Variants in PRKG1 observed in about 807,000 individuals in gnomAD.
PRKG1 encodes the protein cGMP-dependent protein kinase 1.
In PRKG1, 35 loss-of-function variants were observed where a neutral mutation model predicts 88.1. The observed-to-expected ratio is 0.40, with a 90% CI of 0.30 to 0.53. The LOEUF (loss-of-function observed/expected upper bound fraction) is 0.53. Among genes scored for constraint, PRKG1 ranks in the 20% least tolerant of loss-of-function variants. The pLI is 0.59. For missense variants in PRKG1, 540 were observed against 839.8 expected (o/e 0.64, Z 4.41); for synonymous variants, 303 against 292.5 (o/e 1.04, Z -0.37).
chr10:51,750,415 C>T (rs1837693188), intron 3 of PRKG1, among the ~76,000 whole-genome samples: 1 of 152,112 alleles, frequency 6.6e-6, no homozygotes, highest in Non-Finnish European at 1.5e-5. Flanking sequence ...ACAATTTTGC[C>T]TTTACGGACA....
intron 5 of PRKG1, among the ~76,000 whole-genome samples, chr10:51,986,376 C>A (rs1033035906): frequency 7.2e-5 from 11 of 152,138 alleles, no homozygotes; most frequent in African/African-American, 2.7e-4. Context: ...AACATAGTCA[C>A]ATAGAACACA....
intron 4 of PRKG1, among the ~76,000 whole-genome samples, chr10:51,871,026 G>T (rs1641168968): frequency 6.6e-6 from 1 of 152,126 alleles, no homozygotes; most frequent in African/African-American, 2.4e-5. Context: ...TGTCTTCTCT[G>T]AAGGTAATTG....
chr10:51,166,003 A>G (rs1294414783), intron 2 of PRKG1, among the ~76,000 whole-genome samples: 3 of 150,102 alleles, frequency 2.0e-5, no homozygotes, highest in Admixed American at 2.0e-4. Context: ...TTTCATTTTT[A>G]TGGCTGGAAG....
At chr10:51,495,456 C>T (rs1477332602) in intron 3 of PRKG1, among the ~76,000 whole-genome samples, 1 of 152,092 alleles carries the variant, frequency 6.6e-6, no homozygotes, top group Non-Finnish European at 1.5e-5. Context: ...TTTCCTATAG[C>T]CTCATTTCAG....
intron 2 of PRKG1, among the ~76,000 whole-genome samples, chr10:51,420,573 T>C (rs977781412): frequency 6.6e-6 from 1 of 152,104 alleles, no homozygotes; most frequent in Non-Finnish European, 1.5e-5. Flanking sequence ...AGAACCACAG[T>C]AGCTATAGGT....
chr10:52,075,552 AATAG>A (rs1846607645), intron 7 of PRKG1, among the ~76,000 whole-genome samples: 1 of 152,228 alleles, frequency 6.6e-6, no homozygotes, highest in Non-Finnish European at 1.5e-5. Context: ...AAGTTAGACA[AATAG>A]ATTGATGTAG....
At chr10:51,932,126 T>C (rs1306185964) in intron 5 of PRKG1, among the ~76,000 whole-genome samples, 1 of 152,054 alleles carries the variant, frequency 6.6e-6, no homozygotes. Flanking sequence ...TATTCTGCTT[T>C]ATTCCTTACC....
At chr10:51,459,234 A>G (rs1564506190) in intron 2 of PRKG1, among the ~76,000 whole-genome samples, 1 of 152,158 alleles carries the variant, frequency 6.6e-6, no homozygotes, top group Non-Finnish European at 1.5e-5. Context: ...AGAAATTAGT[A>G]TGAAACAGAC....
intron 3 of PRKG1, among the ~76,000 whole-genome samples, chr10:51,472,653 C>G (rs1840076881): frequency 1.3e-5 from 2 of 151,770 alleles, no homozygotes; most frequent in Admixed American, 6.6e-5. Flanking sequence ...TGTAGAGCAC[C>G]ATGAAGTATT....
chr10:52,138,751 A>T (rs1837496359), intron 8 of PRKG1, among the ~76,000 whole-genome samples: 1 of 152,100 alleles, frequency 6.6e-6, no homozygotes, highest in Non-Finnish European at 1.5e-5. Context: ...GTCAAGCATG[A>T]GATTGTAGGG....
intron 1 of PRKG1, among the ~76,000 whole-genome samples, chr10:51,075,465 T>C (rs1196650319): frequency 6.6e-6 from 1 of 152,194 alleles, no homozygotes; most frequent in Non-Finnish European, 1.5e-5. Flanking sequence ...AAAGGAAGAA[T>C]TTTTGATTTC....
At chr10:51,303,144 C>A (rs1189817086) in intron 2 of PRKG1, among the ~76,000 whole-genome samples, 1 of 152,126 alleles carries the variant, frequency 6.6e-6, no homozygotes, top group Non-Finnish European at 1.5e-5. Flanking sequence ...AGCTATTCCA[C>A]AAGGGACATA....
At chr10:51,127,449 C>G (rs1291168090) in intron 1 of PRKG1, among the ~76,000 whole-genome samples, 1 of 152,090 alleles carries the variant, frequency 6.6e-6, no homozygotes, top group Non-Finnish European at 1.5e-5. Flanking sequence ...ATTAAAAAGT[C>G]AAGAAACAAT....
At chr10:51,672,494 T>C (rs1378390821) in intron 3 of PRKG1, among the ~76,000 whole-genome samples, 2 of 152,174 alleles carry the variant, frequency 1.3e-5, no homozygotes, top group African/African-American at 4.8e-5. Context: ...TTTTTCTTTA[T>C]GTTTTGCCTT....
intron 10 of PRKG1, among the ~76,000 whole-genome samples, chr10:52,268,882 G>C (rs1234611408): frequency 6.6e-6 from 1 of 151,930 alleles, no homozygotes; most frequent in East Asian, 1.9e-4. Flanking sequence ...TTTCATTTAG[G>C]ATCATAATAA....
intron 1 of PRKG1, among the ~76,000 whole-genome samples, chr10:51,100,525 G>C (rs551664611): frequency 6.6e-6 from 1 of 152,224 alleles, no homozygotes; most frequent in Non-Finnish European, 1.5e-5. Context: ...ATATCTCCTT[G>C]GTTGATAGAA....
At chr10:51,894,330 G>T (rs1450552770) in intron 4 of PRKG1, among the ~76,000 whole-genome samples, 1 of 152,112 alleles carries the variant, frequency 6.6e-6, no homozygotes, top group Non-Finnish European at 1.5e-5. Flanking sequence ...CAAATATTGT[G>T]ATTCTACTTC....
chr10:51,749,667 T>G (rs576979250), intron 3 of PRKG1, among the ~76,000 whole-genome samples: 2 of 152,304 alleles, frequency 1.3e-5, no homozygotes, highest in South Asian at 4.1e-4. Context: ...CAGCTCCAGC[T>G]GCTATATTCT....
intron 3 of PRKG1, among the ~76,000 whole-genome samples, chr10:51,750,452 C>T (rs145069395): frequency 6.6e-6 from 1 of 152,058 alleles, no homozygotes; most frequent in African/African-American, 2.4e-5. Flanking sequence ...TGAGACACAG[C>T]TTATAATTTT....
Sources: allele counts gnomAD v4.1 joint callset (sites outside exome capture counted in the v4.1 genomes callset), GRCh38; gene constraint gnomAD v4.1.1; transcripts MANE v1.5; gene names NCBI Gene and HGNC (gene_info 2026-07-23, HGNC 2026-07-21).